THSD7A: variants seen among roughly 807,000 people sequenced by gnomAD.
THSD7A encodes the protein thrombospondin type-1 domain-containing protein 7A.
In THSD7A, 96 loss-of-function variants were observed where a neutral mutation model predicts 231.3. That is an observed-to-expected ratio of 0.41 (90% CI 0.35 to 0.49). THSD7A has a LOEUF of 0.49. THSD7A is among the 20% of genes least tolerant of loss of function. The probability of loss-of-function intolerance (pLI) is 0.05; values close to 1 mark genes in which losing one functional copy is unlikely to be tolerated. For missense variants in THSD7A, 2,290 were observed against 2,070.2 expected (o/e 1.11, Z -2.06); for synonymous variants, 940 against 743.3 (o/e 1.26, Z -4.30).
intron 1 of THSD7A, among the ~76,000 whole-genome samples, chr7:11,759,638 A>G (rs1370760625): frequency 6.6e-6 from 1 of 152,052 alleles, no homozygotes; most frequent in Non-Finnish European, 1.5e-5. Context: ...AGAGAGGTGT[A>G]TACACATACA....
chr7:11,808,515 G>C (rs991007976), intron 1 of THSD7A, among the ~76,000 whole-genome samples: 3 of 152,048 alleles, frequency 2.0e-5, no homozygotes, highest in Non-Finnish European at 2.9e-5. Context: ...TGTTATAGCA[G>C]CACAAAATGA....
intron 1 of THSD7A, among the ~76,000 whole-genome samples, chr7:11,736,537 T>G (rs946249406): frequency 3.1e-5 from 3 of 96,728 alleles, no homozygotes; most frequent in African/African-American, 2.2e-4. Flanking sequence ...AGAACTCAAT[T>G]AGGCTTTTAT....
chr7:11,534,719 C>A lies in THSD7A; in HGVS notation c.1822+6700G>T, dbSNP rs561442394. 8.5e-5 allele frequency among the ~76,000 whole-genome samples: 13 copies of A among 152,214 alleles called. 1 individual carries two copies. In the South Asian group the frequency reaches 2.7e-3, roughly 32 times the overall value. ...GAAGTCATGGGAAGACAATATTTTA[C>A]AGAGAAGGTGGATATAAAGGGAATC... On this transcript the variant is annotated intron_variant, in intron 6 of 27. Transcript: ENST00000423059.
chr7:11,750,856 A>G (rs1782477967), intron 1 of THSD7A, among the ~76,000 whole-genome samples: 4 of 152,048 alleles, frequency 2.6e-5, no homozygotes, highest in African/African-American at 9.7e-5. Flanking sequence ...TATTGTGAGT[A>G]ATTGTGGAAA....
chr7:11,790,418 A>T (rs1783917287), intron 1 of THSD7A, among the ~76,000 whole-genome samples: 2 of 151,918 alleles, frequency 1.3e-5, no homozygotes, highest in South Asian at 4.1e-4. Context: ...TTACAATAGA[A>T]TGGTTTCATA....
chr7:11,710,099 T>A (rs77811381), intron 1 of THSD7A, among the ~76,000 whole-genome samples: 20,186 of 150,454 alleles, frequency 0.13, 1,398 homozygotes, highest in South Asian at 0.16. Context: ...TATTTTTTTT[T>A]AAAAAATGAG....
At chr7:11,388,572 G>T (rs1315466507) in intron 23 of THSD7A, among the ~76,000 whole-genome samples, 3 of 152,064 alleles carry the variant, frequency 2.0e-5, no homozygotes, top group East Asian at 3.9e-4. Context: ...CTATTTGATT[G>T]TTCTCTCTTT....
intron 11 of THSD7A, among the ~76,000 whole-genome samples, chr7:11,448,464 T>G (rs531508298): frequency 1.3e-5 from 2 of 152,228 alleles, no homozygotes; most frequent in African/African-American, 4.8e-5. Context: ...TCAGATTGAT[T>G]TACTTGGCTT....
chr7:11,769,153 A>ATATATATATATATATATATTTT, intron 1 of THSD7A, among the ~76,000 whole-genome samples: 1 of 27,662 alleles, frequency 3.6e-5, no homozygotes, highest in African/African-American at 1.2e-4. Context: ...ATATATATAT[A>ATATATATATATATATATATTTT]TTTTTTTTTT....
chr7:11,672,112 T>G (rs908412667), intron 1 of THSD7A, among the ~76,000 whole-genome samples: 1 of 152,180 alleles, frequency 6.6e-6, no homozygotes, highest in African/African-American at 2.4e-5. Context: ...ACTTCTGGCA[T>G]AGTTGACATC....
intron 13 of THSD7A, among the ~76,000 whole-genome samples, chr7:11,435,685 C>T (rs187619073): frequency 4.6e-5 from 7 of 151,684 alleles, no homozygotes; most frequent in African/African-American, 1.5e-4. Context: ...CCTGTCCTTT[C>T]GAGCTGGTTC....
intron 6 of THSD7A, among the ~76,000 whole-genome samples, chr7:11,522,001 C>A (rs185888983): frequency 8.5e-4 from 129 of 152,138 alleles, no homozygotes; most frequent in African/African-American, 2.9e-3. Flanking sequence ...AGCTACATTT[C>A]TAATATTAAA....
intron 23 of THSD7A, among the ~76,000 whole-genome samples, chr7:11,390,763 C>T (rs781671599): frequency 2.2e-4 from 34 of 152,160 alleles, no homozygotes; most frequent in South Asian, 6.2e-4. Context: ...TGGTGACCTT[C>T]GGATGGGGTC....
At chr7:11,585,292 C>T (rs1791352355) in intron 4 of THSD7A, among the ~76,000 whole-genome samples, 1 of 152,150 alleles carries the variant, frequency 6.6e-6, no homozygotes, top group African/African-American at 2.4e-5. Flanking sequence ...GTCCAGTGAT[C>T]ACAGAGTAAT....
chr7:11,742,451 G>A (rs1452562974), intron 1 of THSD7A, among the ~76,000 whole-genome samples: 1 of 151,734 alleles, frequency 6.6e-6, no homozygotes, highest in African/African-American at 2.4e-5. Flanking sequence ...GTTGTTTTAA[G>A]AATATAGCTA....
chr7:11,812,540 A>G (rs1300561133), intron 1 of THSD7A, among the ~76,000 whole-genome samples: 2 of 152,196 alleles, frequency 1.3e-5, no homozygotes, highest in African/African-American at 4.8e-5. Flanking sequence ...AACATGGTAA[A>G]GTGATCAGTC....
At chr7:11,582,405 C>A (rs562671764) in intron 4 of THSD7A, among the ~76,000 whole-genome samples, 53 of 151,938 alleles carry the variant, frequency 3.5e-4, no homozygotes, top group Non-Finnish European at 7.2e-4. Context: ...CTAAGCAATA[C>A]TCTCCTTATT....
intron 23 of THSD7A, among the ~76,000 whole-genome samples, chr7:11,399,690 G>C (rs1783324828): frequency 6.6e-6 from 1 of 152,116 alleles, no homozygotes. Context: ...TGGAGAAATA[G>C]GAACACTTTT....
intron 1 of THSD7A, chr7:11,821,287 C>A (rs1194156257): frequency 2.1e-6 from 2 of 937,028 alleles, no homozygotes; most frequent in Non-Finnish European, 3.5e-6. Context: ...GAAAATGGAA[C>A]GAAACTCCTA....
Sources: gnomAD v4.1 joint callset for allele counts (sites outside exome capture counted in the v4.1 genomes callset) on GRCh38, gnomAD v4.1.1 for gene constraint, MANE v1.5 for transcripts, NCBI Gene and HGNC (gene_info 2026-07-23, HGNC 2026-07-21) for gene names.